The following ZC3H12B variants were observed in gnomAD, a reference collection of about 807,000 sequenced individuals.
The protein encoded by ZC3H12B is zinc finger CCCH-type containing 12B.
ZC3H12B carries 7 observed loss-of-function variants against 43.9 expected under a neutral mutation model. The observed-to-expected ratio is 0.16, with a 90% CI of 0.09 to 0.30. ZC3H12B has a LOEUF of 0.30. Ranked by LOEUF, ZC3H12B falls within the 10% of genes least tolerant of loss-of-function variation. The pLI is 1.00. For missense variants in ZC3H12B, 475 were observed against 670.2 expected, an observed-to-expected ratio of 0.71 and a Z score of 3.22; for synonymous variants, 222 against 241.7, an observed-to-expected ratio of 0.92 and a Z score of 0.76.
intron 2 of ZC3H12B, among the ~76,000 whole-genome samples, chrX:65,369,821 G>T (rs1158335584): frequency 9.0e-6 from 1 of 111,676 alleles, no homozygotes. Flanking sequence ...AGATCTGTTT[G>T]TTTAGCTAAA....
the ZC3H12B span, among the ~76,000 whole-genome samples, chrX:65,059,194 G>C: frequency 1.8e-4 from 18 of 102,030 alleles, no homozygotes; most frequent in African/African-American, 7.3e-4. Context: ...GACTGGAGCT[G>C]TTCCTATTTG....
chrX:65,284,727 C>T, the ZC3H12B span, among the ~76,000 whole-genome samples: 2 of 109,825 alleles, frequency 1.8e-5, no homozygotes, highest in Non-Finnish European at 1.9e-5. Flanking sequence ...TGCCATTGCA[C>T]TCCAGCCTAA....
At chrX:65,183,389 T>C in the ZC3H12B span, among the ~76,000 whole-genome samples, 1 of 110,947 alleles carries the variant, frequency 9.0e-6, no homozygotes, top group South Asian at 3.8e-4. Context: ...ACAAAGAAGA[T>C]AACAGACACT....
the ZC3H12B span, among the ~76,000 whole-genome samples, chrX:65,130,338 A>G: frequency 9.0e-6 from 1 of 111,473 alleles, no homozygotes; most frequent in Non-Finnish European, 1.9e-5. Context: ...CCTAGGAATT[A>G]CATCTGACAG....
chrX:65,131,825 G>T, the ZC3H12B span, among the ~76,000 whole-genome samples: 1 of 111,754 alleles, frequency 8.9e-6, no homozygotes, highest in Non-Finnish European at 1.9e-5. Flanking sequence ...GAGCTTTGGA[G>T]GGGGATACCC....
chrX:65,303,196 A>G, the ZC3H12B span, among the ~76,000 whole-genome samples: 4 of 110,943 alleles, frequency 3.6e-5, no homozygotes, highest in African/African-American at 1.3e-4. Context: ...CAAGAACTTA[A>G]AGTCAGGGCT....
the ZC3H12B span, among the ~76,000 whole-genome samples, chrX:65,181,402 A>G: frequency 8.9e-6 from 1 of 111,927 alleles, no homozygotes; most frequent in East Asian, 2.8e-4. Flanking sequence ...AAATTGACAA[A>G]TGGGATCTAA....
At chrX:65,148,154 G>C in the ZC3H12B span, among the ~76,000 whole-genome samples, 2 of 111,321 alleles carry the variant, frequency 1.8e-5, no homozygotes, top group Non-Finnish European at 3.8e-5. Context: ...ATATCCACAG[G>C]TGCCAGCCTG....
the ZC3H12B span, among the ~76,000 whole-genome samples, chrX:65,135,728 T>C: frequency 9.3e-6 from 1 of 107,355 alleles, no homozygotes; most frequent in African/African-American, 3.4e-5. Flanking sequence ...CACATGTCTC[T>C]GATGCTCTAT....
chrX:65,126,390 C>G, the ZC3H12B span, among the ~76,000 whole-genome samples: 2 of 111,036 alleles, frequency 1.8e-5, no homozygotes, highest in African/African-American at 3.3e-5. Flanking sequence ...AATAGGTTAC[C>G]TGTTGCTTTT....
chrX:65,293,479 C>T, the ZC3H12B span, among the ~76,000 whole-genome samples: 1 of 109,288 alleles, frequency 9.2e-6, no homozygotes, highest in East Asian at 2.9e-4. Context: ...CAGTAGATTA[C>T]CAGCAATGGA....
chrX:65,249,229 C>T, the ZC3H12B span, among the ~76,000 whole-genome samples: 2 of 111,948 alleles, frequency 1.8e-5, no homozygotes, highest in African/African-American at 6.5e-5. Context: ...ATATTAAAGT[C>T]TTTAAGCCAT....
chrX:65,099,717 C>T, the ZC3H12B span, among the ~76,000 whole-genome samples: 1 of 111,255 alleles, frequency 9.0e-6, no homozygotes, highest in Non-Finnish European at 1.9e-5. Context: ...ACACAGAAAC[C>T]CCATCCAAAG....
At chrX:65,202,060 TGTAA>T in the ZC3H12B span, among the ~76,000 whole-genome samples, 1 of 93,006 alleles carries the variant, frequency 1.1e-5, no homozygotes, top group East Asian at 3.0e-4. Context: ...ATATATTATA[TGTAA>T]TATATATATT....
chrX:65,082,121 G>T, the ZC3H12B span, among the ~76,000 whole-genome samples: 5 of 111,659 alleles, frequency 4.5e-5, no homozygotes, highest in East Asian at 1.4e-3. Flanking sequence ...TACAGCAAAA[G>T]CAGTCCTAAT....
the ZC3H12B span, among the ~76,000 whole-genome samples, chrX:65,173,929 G>A: frequency 1.9e-3 from 216 of 111,179 alleles, 1 homozygote; most frequent in African/African-American, 6.4e-3. Flanking sequence ...TTCTTATGTG[G>A]GGGTCCTTTT....
chrX:65,156,141 G>A, the ZC3H12B span, among the ~76,000 whole-genome samples: 1 of 110,826 alleles, frequency 9.0e-6, no homozygotes, highest in African/African-American at 3.3e-5. Context: ...TGCAGACCTT[G>A]TAGGCATGTA....
chrX:65,458,227 CAAAG>C (rs1457093367), intron 3 of ZC3H12B, among the ~76,000 whole-genome samples: 1 of 109,774 alleles, frequency 9.1e-6, no homozygotes, highest in Non-Finnish European at 1.9e-5. Flanking sequence ...TAGAGACCTA[CAAAG>C]AGATTTAGAC....
the ZC3H12B span, among the ~76,000 whole-genome samples, chrX:65,124,573 A>G: frequency 8.1e-5 from 9 of 110,718 alleles, no homozygotes; most frequent in African/African-American, 2.3e-4. Flanking sequence ...TCAGTTCTCC[A>G]TTGAATATCT....
Sources: allele counts gnomAD v4.1 joint callset (sites outside exome capture counted in the v4.1 genomes callset), GRCh38; gene constraint gnomAD v4.1.1; transcripts MANE v1.5; gene names NCBI Gene and HGNC (gene_info 2026-07-23, HGNC 2026-07-21).